SCFD2: variants seen among roughly 807,000 people sequenced by gnomAD.
SCFD2 encodes sec1 family domain containing 2.
Under a neutral mutation model 58.9 loss-of-function variants are expected in SCFD2, and 54 were observed. The observed-to-expected ratio is 0.92, with a 90% confidence interval of 0.74 to 1.15. The LOEUF (loss-of-function observed/expected upper bound fraction) is 1.15. Among genes scored for constraint, SCFD2 ranks in the 50% most tolerant of loss-of-function variants. The pLI is 0.00. For synonymous variants in SCFD2, 321 were observed against 335.9 expected, an observed-to-expected ratio of 0.96 and a Z score of 0.49; for missense variants, 805 against 836.6, an observed-to-expected ratio of 0.96 and a Z score of 0.47.
chr4:53,108,582 T>C (rs1474568688), intron 5 of SCFD2, among the ~76,000 whole-genome samples: 5 of 152,042 alleles, frequency 3.3e-5, no homozygotes, highest in Non-Finnish European at 7.4e-5. Flanking sequence ...GAGAATACTA[T>C]AAACACCTCT....
chr4:53,093,856 G>A (rs1396787962), intron 5 of SCFD2, among the ~76,000 whole-genome samples: 1 of 152,094 alleles, frequency 6.6e-6, no homozygotes, highest in Non-Finnish European at 1.5e-5. Context: ...GCAGGGTGAA[G>A]GGGCTAGGGA....
chr4:53,211,555 T>C (rs1484070084), intron 4 of SCFD2, among the ~76,000 whole-genome samples: 1 of 152,068 alleles, frequency 6.6e-6, no homozygotes, highest in African/African-American at 2.4e-5. Flanking sequence ...ACTGATGTGT[T>C]TGGGATGGGG....
intron 4 of SCFD2, among the ~76,000 whole-genome samples, chr4:53,267,871 T>C (rs1209245490): frequency 6.6e-6 from 1 of 152,194 alleles, no homozygotes; most frequent in East Asian, 1.9e-4. Flanking sequence ...AAATAAAAAA[T>C]GGCTTAGAAT....
At chr4:52,948,217 A>G (rs1326247186) in intron 5 of SCFD2, 2 of 245,996 alleles carry the variant, frequency 8.1e-6, no homozygotes, top group East Asian at 2.0e-4. Flanking sequence ...GAACACAGCA[A>G]GTGCTCTGTT....
intron 4 of SCFD2, among the ~76,000 whole-genome samples, chr4:53,248,088 AG>A (rs1382504639): frequency 6.6e-6 from 1 of 152,164 alleles, no homozygotes; most frequent in Non-Finnish European, 1.5e-5. Context: ...CACCCGAAGC[AG>A]GGCGAGGCAT....
chr4:53,148,921 G>A (rs1277001946), intron 4 of SCFD2, among the ~76,000 whole-genome samples: 2 of 152,194 alleles, frequency 1.3e-5, no homozygotes, highest in Non-Finnish European at 2.9e-5. Context: ...AAGGCAGAAG[G>A]ATCGCTTGAA....
chr4:53,121,198 A>G (rs1033624198), intron 5 of SCFD2, among the ~76,000 whole-genome samples: 2 of 152,170 alleles, frequency 1.3e-5, no homozygotes, highest in African/African-American at 4.8e-5. Flanking sequence ...GAGGGAAAAC[A>G]TGACAGTGAA....
intron 4 of SCFD2, among the ~76,000 whole-genome samples, chr4:53,263,121 GCTGT>G (rs1341692885): frequency 2.6e-5 from 4 of 151,938 alleles, no homozygotes; most frequent in African/African-American, 4.8e-5. Flanking sequence ...TCTTATTTAT[GCTGT>G]CTATTTCACT....
chr4:52,877,198 G>A (rs1718494403), intron 8 of SCFD2, among the ~76,000 whole-genome samples: 1 of 152,214 alleles, frequency 6.6e-6, no homozygotes, highest in South Asian at 2.1e-4. Flanking sequence ...TACCGCCACT[G>A]AGCTGGAACA....
chr4:53,106,166 T>C (rs1053098171), intron 5 of SCFD2, among the ~76,000 whole-genome samples: 1 of 152,052 alleles, frequency 6.6e-6, no homozygotes, highest in African/African-American at 2.4e-5. Context: ...CAGAAAGGAA[T>C]AGCATCAACA....
intron 5 of SCFD2, among the ~76,000 whole-genome samples, chr4:53,032,708 CAA>C (rs199782820): frequency 0.011 from 1,734 of 152,204 alleles, 17 homozygotes; most frequent in Middle Eastern, 0.034. Context: ...CAACAAAGAT[CAA>C]AAGAGACAAA....
At chr4:53,207,729 A>G (rs1164168128) in intron 4 of SCFD2, among the ~76,000 whole-genome samples, 1 of 134,094 alleles carries the variant, frequency 7.5e-6, no homozygotes, top group African/African-American at 2.8e-5. Context: ...GTGAGTTGTC[A>G]GGAGATTTGG....
intron 5 of SCFD2, among the ~76,000 whole-genome samples, chr4:53,097,055 T>A (rs1484527718): frequency 6.6e-6 from 1 of 152,216 alleles, no homozygotes; most frequent in African/African-American, 2.4e-5. Flanking sequence ...GAGGGATCTG[T>A]TCTGTTCCAT....
intron 4 of SCFD2, among the ~76,000 whole-genome samples, chr4:53,252,624 A>G (rs1387673563): frequency 6.6e-6 from 1 of 151,926 alleles, no homozygotes; most frequent in African/African-American, 2.4e-5. Flanking sequence ...GAGAAAAACA[A>G]GCAATGGGGA....
intron 2 of SCFD2, among the ~76,000 whole-genome samples, chr4:53,322,592 T>C (rs1345526189): frequency 6.6e-6 from 1 of 152,234 alleles, no homozygotes; most frequent in Non-Finnish European, 1.5e-5. Context: ...GTATTAATAA[T>C]TTCCTCTTAG....
intron 5 of SCFD2, among the ~76,000 whole-genome samples, chr4:52,960,556 A>G (rs1403069036): frequency 6.6e-6 from 1 of 151,936 alleles, no homozygotes; most frequent in East Asian, 1.9e-4. Context: ...TTTAGTACAG[A>G]TGGGGTTTCT....
At chr4:53,274,142 C>A in intron 3 of SCFD2, 141 bp from the exon 4 acceptor site, 1 of 658,262 alleles carries the variant, frequency 1.5e-6, no homozygotes, top group Non-Finnish European at 2.4e-6. Context: ...TATTGTGATT[C>A]TTACAACTAT....
intron 4 of SCFD2, among the ~76,000 whole-genome samples, chr4:53,265,251 AT>A (rs1730949083): frequency 6.6e-6 from 1 of 152,172 alleles, no homozygotes; most frequent in Admixed American, 6.5e-5. Flanking sequence ...TTCTCACTCT[AT>A]GATACCTTGA....
At chr4:53,352,829 T>C in intron 1 of SCFD2, 63 bp from the exon 2 acceptor site, 4 of 1,372,030 alleles carry the variant, frequency 2.9e-6, no homozygotes, top group South Asian at 1.2e-5. Context: ...GTTGGATAAA[T>C]GTTTTATCAC....
Sources: gnomAD v4.1 joint callset for allele counts (sites outside exome capture counted in the v4.1 genomes callset) on GRCh38, gnomAD v4.1.1 for gene constraint, MANE v1.5 for transcripts, NCBI Gene and HGNC (gene_info 2026-07-23, HGNC 2026-07-21) for gene names.